FIZ1: variants seen among roughly 807,000 people sequenced by gnomAD.
FIZ1 encodes the protein flt3-interacting zinc finger protein 1.
Under a neutral mutation model 5.3 loss-of-function variants are expected in FIZ1, and 2 were observed. The ratio of observed to expected loss-of-function variants is 0.37; its 90% confidence interval spans 0.15 to 1.18. The LOEUF (loss-of-function observed/expected upper bound fraction) is 1.18. Ranked by LOEUF, FIZ1 falls within the 50% of genes most tolerant of loss-of-function variation. The pLI, the probability that FIZ1 is intolerant of heterozygous loss-of-function variation, is 0.37. For synonymous variants in FIZ1, 407 were observed against 364.2 expected (o/e 1.12, Z -1.34); for missense variants, 631 against 749.7 (o/e 0.84, Z 1.85).
At position 55,592,716 on chromosome 19, in the gene FIZ1, G is replaced by A. The variant is rs1380833824; in HGVS notation, c.1225C>T (p.Arg409Cys). 6.2e-7 allele frequency: 1 copy of A among 1,612,598 alleles called. No individual in the cohort carries two copies. The change falls in exon 3 of 3, where the codon CGC (arginine) becomes TGC (cysteine). Residue 409 changes from arginine to cysteine, a missense_variant. By Grantham distance (180) the Arg-to-Cys change is radical (BLOSUM62 -3). Transcript: ENST00000221665. This position sits in a 1 kb window ranked among gnomAD's most constrained non-coding sequence, Gnocchi z 6.9. The stretch of plus-strand genomic sequence containing the variant: ...GAGCAGCCGAAGATCTTCTTGCCGC[G>A]GCCGGAGCCAGACGGGGGTTCCCCG... ...ASGEPPSGSG[R>C]GKKIFGCSEC...
At chr19:55,597,508 G>T (rs1980382601) in intron 2 of FIZ1, 64 bp downstream of exon 2, 3 of 1,539,636 alleles carry the variant, frequency 1.9e-6, no homozygotes, top group Admixed American at 1.9e-5. Flanking sequence ...AGTACAGTGG[G>T]GCGCGGGATC....
In FIZ1 at chr19:55,592,768, G is replaced by C. The variant is rs572821124; in HGVS notation, c.1173C>G (p.Thr391=). 1.2e-6 allele frequency: 2 copies of C among 1,601,614 alleles called. No homozygotes were observed. Among genetic ancestry groups the C allele is most frequent in the Non-Finnish European group, 1.7e-6 (2 of 1,176,160 alleles). Residue 391 remains threonine (T), a synonymous_variant, in exon 3 of 3, where the codon ACC becomes ACG. Coordinates refer to ENST00000221665, the MANE Select transcript of FIZ1 (RefSeq NM_032836.3). This position sits in a 1 kb window ranked among gnomAD's most constrained non-coding sequence, Gnocchi z 6.9. ...HGEGGGEEAA[T]AAREREPASG... Reference sequence around the variant, plus strand: ...ACGCCGGTTCCCTTTCCCGGGCGGCGGTCGCCGCCTCCTCCCCGCCGCCCT... The same window carrying C: ...ACGCCGGTTCCCTTTCCCGGGCGGCCGTCGCCGCCTCCTCCCCGCCGCCCT...
rs1013270845 is a variant in FIZ1 at position 55,593,766 on chromosome 19, T to C, written c.295-120A>G. The C allele has an allele frequency of 1.1e-6, 1 of 879,744 alleles. No individual in the cohort carries two copies. The highest frequency in any genetic ancestry group is 1.7e-5 in the African/African-American group (1 of 59,630). The allele number at this position is 879,744 out of a possible 1,614,324, so 54.5% of individuals were successfully genotyped here. ...CTGTCACACCTACAGGGCCATGATCTAGGGAAACGCTCGTCCTATCACTCT... is the reference window on the plus strand; with the variant it reads ...CTGTCACACCTACAGGGCCATGATCCAGGGAAACGCTCGTCCTATCACTCT... On this transcript the variant is annotated intron_variant, in intron 2 of 2. Coordinates refer to ENST00000221665, the MANE Select transcript of FIZ1 (RefSeq NM_032836.3). The surrounding 1 kb of genome is among the most constrained non-coding windows in gnomAD (Gnocchi z 6.3).
Position 55,593,137 on chromosome 19 carries a change from G to A in FIZ1, c.804C>T (p.Gly268=), listed in dbSNP as rs1161547280. ...CTTCGCCCGCCGTCTCGGGCCCTGC[G>A]CCTGGCCCCGCGGCCCAGGCCTGCG... The part of the protein sequence containing the change: ...PPAQAWAAGP[G]AGPETAGEGT... Residue 268 remains glycine, a synonymous_variant, in exon 3 of 3, where the codon GGC becomes GGT. Coordinates refer to ENST00000221665, the MANE Select transcript of FIZ1 (RefSeq NM_032836.3). This position sits in a 1 kb window ranked among gnomAD's most constrained non-coding sequence, Gnocchi z 6.3. 3 of 1,204,766 alleles carry A rather than the reference G, an allele frequency of 2.5e-6. No homozygotes were observed. The highest frequency in any genetic ancestry group is 2.2e-5 in the South Asian group (1 of 44,752). 74.6% of individuals were successfully genotyped at this position (1,204,766 alleles called of 1,614,324 possible).
intron 2 of FIZ1, among the ~76,000 whole-genome samples, chr19:55,596,893 G>C (rs569978760): frequency 5.3e-5 from 8 of 152,210 alleles, no homozygotes; most frequent in South Asian, 2.1e-4. Flanking sequence ...GGATGGTCTC[G>C]ATCTCTTGAC....
Position 55,593,798 on chromosome 19 carries a change from G to T in FIZ1, c.295-152C>A, listed in dbSNP as rs1455546174. 4 of 733,678 alleles carry T rather than the reference G, an allele frequency of 5.5e-6. No individual in the cohort carries two copies. Among genetic ancestry groups the T allele is most frequent in the Non-Finnish European group, 9.0e-6 (4 of 442,766 alleles). 45.4% of individuals were successfully genotyped at this position (733,678 alleles called of 1,614,324 possible). A position where few individuals can be genotyped will look rare whatever the true frequency, so the allele number is the denominator to read the frequency against. ...ACGCTCGTCCTATCACTCTCTGTTT[G>T]GGGTCACGGTAGATTCTTTCGGTCC... On this transcript the variant is annotated intron_variant, in intron 2 of 2. Transcript: ENST00000221665. The surrounding 1 kb of genome is among the most constrained non-coding windows in gnomAD (Gnocchi z 6.3).
intron 2 of FIZ1, among the ~76,000 whole-genome samples, chr19:55,594,714 A>AG (rs1312447917): frequency 5.3e-5 from 8 of 150,286 alleles, no homozygotes; most frequent in African/African-American, 1.5e-4. Context: ...AAAAAAAAAA[A>AG]AAAAGAAATC....
intron 2 of FIZ1, among the ~76,000 whole-genome samples, chr19:55,596,447 C>T (rs1402867391): frequency 6.6e-6 from 1 of 152,142 alleles, no homozygotes; most frequent in African/African-American, 2.4e-5. Flanking sequence ...ACCTTACCTC[C>T]TTCCACCCCA....
At chr19:55,598,197 C>T in intron 1 of FIZ1, 2 of 367,786 alleles carry the variant, frequency 5.4e-6, no homozygotes, top group East Asian at 9.4e-5. Context: ...TGTGCCCCTC[C>T]CACTGTAATT....
Position 55,593,012 on chromosome 19 carries a change from G to A in FIZ1, c.929C>T (p.Pro310Leu). Residue 310 changes from proline to leucine, a missense_variant, in exon 3 of 3, where the codon CCC (proline) becomes CTC (leucine). Transcript: ENST00000221665. This position sits in a 1 kb window ranked among gnomAD's most constrained non-coding sequence, Gnocchi z 6.3. The part of the protein sequence containing the change: ...GGVPKLGGLL[P>L]EGGGEAPAPA... Reference sequence around the variant, plus strand: ...TGCAGGCGCCTCCCCACCGCCCTCGGGGAGCAGCCCCCCGAGCTTGGGCAC... The same window carrying A: ...TGCAGGCGCCTCCCCACCGCCCTCGAGGAGCAGCCCCCCGAGCTTGGGCAC... 3 of 1,475,738 alleles carry A rather than the reference G, an allele frequency of 2.0e-6. No individual in the cohort carries two copies. The highest frequency in any genetic ancestry group is 2.5e-5 in the South Asian group (2 of 79,198). The allele number at this position is 1,475,738 out of a possible 1,614,324, so 91.4% of individuals were successfully genotyped here.
At position 55,591,976 on chromosome 19, in the gene FIZ1, A is replaced by G. The variant is rs1980023923; in HGVS notation, c.*474T>C. The G allele has an allele frequency of 6.3e-6, 1 of 158,384 alleles. No individual in the cohort carries two copies. 9.8% of individuals were successfully genotyped at this position (158,384 alleles called of 1,614,324 possible). ...TGGTGGGTGGCATTTGGAGGGATCT[A>G]GGAAAATTCAGGGACATGCTCCCTC... On this transcript the variant is annotated 3_prime_UTR_variant, in exon 3 of 3. Transcript: ENST00000221665.
Position 55,593,024 on chromosome 19 carries a change from C to G in FIZ1, c.917G>C (p.Gly306Ala). The change falls in exon 3 of 3, where the codon GGG becomes GCG. Residue 306 changes from glycine to alanine, a missense_variant. Transcript: ENST00000221665. The surrounding 1 kb of genome is among the most constrained non-coding windows in gnomAD (Gnocchi z 6.3). Reference protein sequence around the residue: ...GPAGGGVPKLGGLLPEGGGEA... With the variant: ...GPAGGGVPKLAGLLPEGGGEA... Reference sequence around the variant, plus strand: ...CCCACCGCCCTCGGGGAGCAGCCCCCCGAGCTTGGGCACGCCGCCCCCCGC... The same window carrying G: ...CCCACCGCCCTCGGGGAGCAGCCCCGCGAGCTTGGGCACGCCGCCCCCCGC... The G allele has an allele frequency of 6.9e-7, 1 of 1,444,566 alleles. No individual in the cohort carries two copies. 89.5% of individuals were successfully genotyped at this position (1,444,566 alleles called of 1,614,324 possible). A position where few individuals can be genotyped will look rare whatever the true frequency, so the allele number is the denominator to read the frequency against.
In FIZ1 at chr19:55,592,607, A is replaced by G. The variant is rs754362902; in HGVS notation, c.1334T>C (p.Leu445Pro). Residue 445 changes from leucine to proline, a missense_variant, in exon 3 of 3, where the codon CTG becomes CCG. Coordinates refer to ENST00000221665, the MANE Select transcript of FIZ1 (RefSeq NM_032836.3). This position sits in a 1 kb window ranked among gnomAD's most constrained non-coding sequence, Gnocchi z 6.9. ...VHTGEKPFPC[L>P]ECGKFFRHEC... ...GTGGCGGAAGAACTTGCCGCACTCC[A>G]GGCACGGGAACGGCTTCTCGCCAGT... 6.2e-7 allele frequency: 1 copy of G among 1,613,408 alleles called. No individual in the cohort carries two copies. The highest frequency in any genetic ancestry group is 8.5e-7 in the Non-Finnish European group (1 of 1,179,842).
chr19:55,594,241 T>A (rs1303688200), intron 2 of FIZ1, among the ~76,000 whole-genome samples: 1 of 151,524 alleles, frequency 6.6e-6, no homozygotes, highest in African/African-American at 2.4e-5. Flanking sequence ...ATACAAAAAT[T>A]ACCCGGGCCT....
rs900033663 is a variant in FIZ1, at chr19:55,592,698, C to G, written c.1243G>C (p.Gly415Arg). The G allele has an allele frequency of 1.9e-6, 3 of 1,613,068 alleles. No individual in the cohort carries two copies. Among genetic ancestry groups the G allele is most frequent in the East Asian group, 2.2e-5 (1 of 44,852 alleles). Reference sequence around the variant, plus strand: ...AACAGCTTCTCGCACTCGGAGCAGCCGAAGATCTTCTTGCCGCGGCCGGAG... The same window carrying G: ...AACAGCTTCTCGCACTCGGAGCAGCGGAAGATCTTCTTGCCGCGGCCGGAG... ...SGSGRGKKIF[G>R]CSECEKLFRS... is the part of the protein sequence containing the mutation. The change falls in exon 3 of 3, where the codon GGC becomes CGC. Residue 415 changes from glycine (G) to arginine (R), a missense_variant. Around this residue, in one of 4 missense-constraint regions of FIZ1, gnomAD observed 463 missense variants for 455.1 expected, o/e 1.02. Transcript: ENST00000221665. This position sits in a 1 kb window ranked among gnomAD's most constrained non-coding sequence, Gnocchi z 6.9.
In FIZ1 at chr19:55,591,519, A is replaced by G. The variant is rs547103815; in HGVS notation, c.*931T>C. 6.6e-6 allele frequency: 1 copy of G among 152,606 alleles called. No individual in the cohort carries two copies. The highest frequency in any genetic ancestry group is 2.1e-4 in the South Asian group (1 of 4,824). 9.5% of individuals were successfully genotyped at this position (152,606 alleles called of 1,614,324 possible). ...GAGGAAGACAGAGACAGACAAACCA[A>G]CAGAGATGGAGAGAAAGACCAACGG... On this transcript the variant is annotated 3_prime_UTR_variant, in exon 3 of 3. Transcript: ENST00000221665.
At chr19:55,599,346 G>A (rs1042220229) in intron 1 of FIZ1, 128 bp downstream of exon 1, 1 of 152,354 alleles carries the variant, frequency 6.6e-6, no homozygotes, top group South Asian at 2.0e-4. Flanking sequence ...CGCCCGGTTG[G>A]GGGGCAGGTC....
chr19:55,592,271 TCCGGGGC>T lies in FIZ1; in HGVS notation c.*172_*178del. 1.5e-6 allele frequency: 1 copy of T among 658,552 alleles called. No homozygotes were observed. The highest frequency in any genetic ancestry group is 2.1e-5 in the South Asian group (1 of 47,256). The allele number at this position is 658,552 out of a possible 1,614,324, so 40.8% of individuals were successfully genotyped here. A position where few individuals can be genotyped will look rare whatever the true frequency, so the allele number is the denominator to read the frequency against. ...CCCTGTTTGTTTGTGGTCCCCCAGC[TCCGGGGC>T]CTTTGTGGGTTTTTGGTGGCCCCCA... On this transcript the variant is annotated 3_prime_UTR_variant, in exon 3 of 3. Transcript: ENST00000221665. This position sits in a 1 kb window ranked among gnomAD's most constrained non-coding sequence, Gnocchi z 6.9.
Position 55,592,923 on chromosome 19 carries a change from C to A in FIZ1, c.1018G>T (p.Ala340Ser). The part of the protein sequence containing the change: ...LYQCDCGTFF[A>S]SAAALASHLE... ...TGACTGGCCAGGGCCGCGGCCGACG[C>A]AAAGAAGGTCCCGCAGTCGCACTGG... Residue 340 changes from alanine (A) to serine (S), a missense_variant, in exon 3 of 3, where the codon GCG (alanine) becomes TCG (serine). By Grantham distance (99) the Ala-to-Ser change is moderately conservative. This residue lies in a region of FIZ1 where 463 missense variants were observed against 455.1 expected (regional missense o/e 1.02). Coordinates refer to ENST00000221665, the MANE Select transcript of FIZ1 (RefSeq NM_032836.3). The surrounding 1 kb of genome is among the most constrained non-coding windows in gnomAD (Gnocchi z 6.9). 1.3e-6 allele frequency: 2 copies of A among 1,553,608 alleles called. No individual in the cohort carries two copies. Among genetic ancestry groups the A allele is most frequent in the African/African-American group, 1.4e-5 (1 of 71,934 alleles).
Sources: allele counts gnomAD v4.1 joint callset (sites outside exome capture counted in the v4.1 genomes callset), GRCh38; gene constraint gnomAD v4.1.1; regional missense constraint gnomAD v4.1.1; non-coding constraint Gnocchi (gnomAD v3.1); transcripts MANE v1.5; gene names NCBI Gene and HGNC (gene_info 2026-07-23, HGNC 2026-07-21).